The following TEX9 variants were observed in gnomAD, a reference collection of about 807,000 sequenced individuals.
TEX9 encodes testis expressed 9.
In TEX9, 74 loss-of-function variants were observed where a neutral mutation model predicts 59.6. The observed-to-expected ratio is 1.24, with a 90% CI of 1.03 to 1.51. TEX9 has a LOEUF of 1.51. Ranked by LOEUF, TEX9 falls within the 40% of genes most tolerant of loss-of-function variation. The pLI is 0.00. For synonymous variants in TEX9, 186 were observed against 152.2 expected, an observed-to-expected ratio of 1.22 and a Z score of -1.64; for missense variants, 522 against 447.8, an observed-to-expected ratio of 1.17 and a Z score of -1.49.
chr15:56,381,413 AG>A (rs1375596000), intron 3 of TEX9, among the ~76,000 whole-genome samples: 2 of 152,154 alleles, frequency 1.3e-5, no homozygotes, highest in African/African-American at 4.8e-5. Flanking sequence ...TGTCTTATTT[AG>A]CTCATTTGGC....
At chr15:56,406,873 G>C (rs2049106252) in intron 9 of TEX9, among the ~76,000 whole-genome samples, 1 of 151,990 alleles carries the variant, frequency 6.6e-6, no homozygotes, top group Non-Finnish European at 1.5e-5. Flanking sequence ...ATCCGACTTG[G>C]ATTTATTTTC....
intron 1 of TEX9, among the ~76,000 whole-genome samples, chr15:56,355,116 C>T (rs1442833390): frequency 1.3e-5 from 2 of 152,170 alleles, no homozygotes; most frequent in Admixed American, 1.3e-4. Flanking sequence ...CAGCGCCTTC[C>T]TCCCATTCCC....
intron 1 of TEX9, chr15:56,323,043 C>G (rs1478139962): frequency 6.0e-6 from 1 of 167,534 alleles, no homozygotes; most frequent in Non-Finnish European, 1.3e-5. Flanking sequence ...TCCATAGAGA[C>G]AGCACTGGGG....
upstream of TEX9, among the ~76,000 whole-genome samples, chr15:56,360,433 T>C (rs1464061732): frequency 6.6e-6 from 1 of 152,210 alleles, no homozygotes; most frequent in African/African-American, 2.4e-5. Context: ...GCATGAGTTT[T>C]GGTAGTTTGT....
intron 12 of TEX9, among the ~76,000 whole-genome samples, chr15:56,442,594 T>A (rs2050836822): frequency 6.6e-6 from 1 of 152,168 alleles, no homozygotes; most frequent in Non-Finnish European, 1.5e-5. Flanking sequence ...TGCGTCAACA[T>A]GGATGGAGCT....
At chr15:56,433,273 A>G (rs1423128085) in intron 12 of TEX9, among the ~76,000 whole-genome samples, 6 of 151,176 alleles carry the variant, frequency 4.0e-5, no homozygotes, top group Middle Eastern at 3.2e-3. Context: ...GGGGGGGACA[A>G]GGGGAAGGGA....
intron 1 of TEX9, among the ~76,000 whole-genome samples, chr15:56,328,315 G>A (rs1412459346): frequency 2.0e-5 from 3 of 152,060 alleles, no homozygotes; most frequent in African/African-American, 7.2e-5. Context: ...GAGCCCTTAG[G>A]CCCTGAATAA....
intron 1 of TEX9, among the ~76,000 whole-genome samples, chr15:56,260,721 T>G (rs1287426024): frequency 6.6e-6 from 1 of 152,006 alleles, no homozygotes; most frequent in East Asian, 1.9e-4. Context: ...TTATAATATC[T>G]TTGTCATATT....
At chr15:56,331,742 G>C (rs144835859) in intron 1 of TEX9, among the ~76,000 whole-genome samples, 10,542 of 151,960 alleles carry the variant, frequency 0.069, 463 homozygotes, top group Non-Finnish European at 0.1. Flanking sequence ...TAAAGAACTA[G>C]AAACTACAAT....
At chr15:56,313,623 G>A (rs1171602319) in intron 1 of TEX9, among the ~76,000 whole-genome samples, 3 of 132,846 alleles carry the variant, frequency 2.3e-5, no homozygotes, top group Non-Finnish European at 3.3e-5. Context: ...TTTTTGTTGT[G>A]TCTCTGCCTG....
intron 6 of TEX9, among the ~76,000 whole-genome samples, 176 bp from the exon 7 acceptor site, chr15:56,391,067 A>G (rs2048186275): frequency 6.6e-6 from 1 of 152,080 alleles, no homozygotes; most frequent in Non-Finnish European, 1.5e-5. Flanking sequence ...AATGTGTAAT[A>G]GTAGTCTCTT....
chr15:56,389,528 A>G lies in TEX9; in HGVS notation c.395+128A>G, dbSNP rs1296333380. 6.3e-6 allele frequency: 4 copies of G among 636,094 alleles called. No homozygotes were observed. In the East Asian group the frequency reaches 8.6e-5, roughly 14 times the overall value. The allele number at this position is 636,094 out of a possible 1,614,324, so 39.4% of individuals were successfully genotyped here. A position where few individuals can be genotyped will look rare whatever the true frequency, so the allele number is the denominator to read the frequency against. Reference sequence around the variant, plus strand: ...CACCCTAAACATTAAGTTACACCACATATATCTTATCCACATTCAGTAATT... The same window carrying G: ...CACCCTAAACATTAAGTTACACCACGTATATCTTATCCACATTCAGTAATT... On this transcript the variant is annotated intron_variant, in intron 6 of 12. Transcript: ENST00000352903.
At chr15:56,433,002 G>T (rs2162216) in intron 12 of TEX9, among the ~76,000 whole-genome samples, 19,391 of 152,042 alleles carry the variant, frequency 0.13, 1,634 homozygotes, top group East Asian at 0.37. Context: ...TTACGGATGA[G>T]ACATAAATAA....
At chr15:56,413,377 TTAA>T (rs553056917) in intron 10 of TEX9, among the ~76,000 whole-genome samples, 4 of 149,760 alleles carry the variant, frequency 2.7e-5, no homozygotes, top group Admixed American at 6.7e-5. Context: ...ATTAAACTAT[TTAA>T]TAATTTAAAA....
At chr15:56,325,143 C>T (rs973810499) in intron 1 of TEX9, among the ~76,000 whole-genome samples, 2 of 152,154 alleles carry the variant, frequency 1.3e-5, no homozygotes, top group African/African-American at 4.8e-5. Flanking sequence ...TTCTGTGTAG[C>T]ATTGATTACC....
intron 10 of TEX9, among the ~76,000 whole-genome samples, chr15:56,419,559 A>C (rs1416543448): frequency 6.6e-6 from 1 of 151,854 alleles, no homozygotes; most frequent in Non-Finnish European, 1.5e-5. Flanking sequence ...ATGTTAAAAC[A>C]ACCTTGTATT....
At chr15:56,250,010 A>G (rs949610090) in intron 1 of TEX9, among the ~76,000 whole-genome samples, 1 of 152,132 alleles carries the variant, frequency 6.6e-6, no homozygotes, top group Non-Finnish European at 1.5e-5. Flanking sequence ...TAGGCTCAAC[A>G]TAAGTCTTTC....
At position 56,331,652 on chromosome 15, in the gene TEX9, G is replaced by A. The variant is rs560176187; in HGVS notation, c.-106-41789G>A. 2.6e-5 allele frequency among the ~76,000 whole-genome samples: 4 copies of A among 152,008 alleles called. 1 individual carries two copies. The South Asian group carries it at 8.3e-4, about 32-fold the overall frequency. Reference sequence around the variant, plus strand: ...CCAAAACCTATGGAATATGGCAAAAGCAGTACTAAGAGGGAATTTTATAGC... The same window carrying A: ...CCAAAACCTATGGAATATGGCAAAAACAGTACTAAGAGGGAATTTTATAGC... On this transcript the variant is annotated intron_variant, in intron 1 of 5. Coordinates refer to the TEX9 transcript ENST00000560827.
intron 1 of TEX9, among the ~76,000 whole-genome samples, chr15:56,289,357 C>T (rs1213879219): frequency 6.6e-6 from 1 of 151,996 alleles, no homozygotes; most frequent in Non-Finnish European, 1.5e-5. Flanking sequence ...CTCTTTCAGA[C>T]TCTGTAAGTT....
Sources: gnomAD v4.1 joint callset for allele counts (sites outside exome capture counted in the v4.1 genomes callset) on GRCh38, gnomAD v4.1.1 for gene constraint, MANE v1.5 for transcripts, NCBI Gene and HGNC (gene_info 2026-07-23, HGNC 2026-07-21) for gene names.